The following CDH20 variants were observed in gnomAD, a reference collection of about 807,000 sequenced individuals.
CDH20 encodes cadherin-20.
A neutral mutation model predicts 74.2 loss-of-function variants in CDH20; 29 were observed. That is an observed-to-expected ratio of 0.39 (90% CI 0.29 to 0.53). The LOEUF (loss-of-function observed/expected upper bound fraction) is 0.53. CDH20 is among the 20% of genes least tolerant of loss of function. The probability of loss-of-function intolerance (pLI) is 0.69; values close to 1 mark genes in which losing one functional copy is unlikely to be tolerated. For missense variants in CDH20, 988 were observed against 1,048.3 expected, an observed-to-expected ratio of 0.94 and a Z score of 0.79; for synonymous variants, 469 against 405.4, an observed-to-expected ratio of 1.16 and a Z score of -1.88.
intron 6 of CDH20, among the ~76,000 whole-genome samples, chr18:61,521,414 G>C (rs773283619): frequency 5.3e-5 from 8 of 151,214 alleles, no homozygotes; most frequent in Non-Finnish European, 1.2e-4. Context: ...AACAAGTTCT[G>C]AAATTGAGGC....
intron 1 of CDH20, among the ~76,000 whole-genome samples, chr18:61,359,132 C>T (rs1444325912): frequency 6.6e-6 from 1 of 152,086 alleles, no homozygotes; most frequent in African/African-American, 2.4e-5. Flanking sequence ...ATATTTTTAG[C>T]TATCTGAGTT....
chr18:61,365,578 T>C (rs1431014590), intron 1 of CDH20, among the ~76,000 whole-genome samples: 1 of 152,148 alleles, frequency 6.6e-6, no homozygotes, highest in African/African-American at 2.4e-5. Flanking sequence ...TTCTGGCAAC[T>C]CAAAACAACC....
chr18:61,465,376 A>G (rs1286015398), intron 1 of CDH20, among the ~76,000 whole-genome samples: 1 of 152,216 alleles, frequency 6.6e-6, no homozygotes, highest in Non-Finnish European at 1.5e-5. Context: ...CATTTTTTAC[A>G]AAGAATGGCA....
chr18:61,515,539 A>T (rs1396132719), intron 6 of CDH20, among the ~76,000 whole-genome samples: 1 of 152,014 alleles, frequency 6.6e-6, no homozygotes, highest in Non-Finnish European at 1.5e-5. Context: ...CAAATGTCCA[A>T]CAATGATAGA....
chr18:61,356,845 T>C (rs1599033732), intron 1 of CDH20, among the ~76,000 whole-genome samples: 1 of 152,166 alleles, frequency 6.6e-6, no homozygotes, highest in East Asian at 1.9e-4. Context: ...AAACCACTAA[T>C]TAACGTTCAT....
intron 4 of CDH20, among the ~76,000 whole-genome samples, chr18:61,502,748 C>G (rs1911429635): frequency 6.6e-6 from 1 of 152,134 alleles, no homozygotes; most frequent in Admixed American, 6.5e-5. Context: ...GCTCTTCCTG[C>G]TGGAATAAAA....
chr18:61,539,073 T>C lies in CDH20; in HGVS notation c.1458T>C (p.Asp486=), dbSNP rs1335195392. The C allele has an allele frequency of 1.8e-5, 29 of 1,613,954 alleles. No homozygotes were observed. Among genetic ancestry groups the C allele is most frequent in the Non-Finnish European group, 2.5e-5 (29 of 1,179,958 alleles). The change falls in exon 9 of 12, where the codon GAT becomes GAC. Residue 486 remains aspartate, a synonymous_variant. Coordinates refer to ENST00000262717, the MANE Select transcript of CDH20 (RefSeq NM_031891.4). ...GSVPVTIKVL[D]VNDNAPEFPR... is the part of the protein sequence containing the mutation. ...TTCCTGTCACAATCAAAGTCTTAGA[T>C]GTGAATGACAATGCTCCAGAGTTCC... is the stretch of plus-strand genomic sequence containing the variant.
chr18:61,486,992 A>G (rs1201639946), intron 1 of CDH20, among the ~76,000 whole-genome samples: 1 of 152,346 alleles, frequency 6.6e-6, no homozygotes, highest in Admixed American at 6.5e-5. Flanking sequence ...GAATTTACGT[A>G]ACAAACTAAA....
chr18:61,390,905 T>A (rs528702408), intron 1 of CDH20, among the ~76,000 whole-genome samples: 1 of 151,922 alleles, frequency 6.6e-6, no homozygotes, highest in Non-Finnish European at 1.5e-5. Context: ...AGGCTTGGAG[T>A]GAGGAAGGCC....
intron 1 of CDH20, among the ~76,000 whole-genome samples, chr18:61,468,578 C>A (rs1173741737): frequency 2.0e-5 from 3 of 152,060 alleles, no homozygotes; most frequent in Non-Finnish European, 2.9e-5. Context: ...CCCTTTTTCC[C>A]CCCTACTTGC....
At chr18:61,438,854 C>T (rs924545498) in intron 1 of CDH20, among the ~76,000 whole-genome samples, 4 of 152,124 alleles carry the variant, frequency 2.6e-5, no homozygotes, top group Non-Finnish European at 5.9e-5. Flanking sequence ...GGAATCAACC[C>T]AGGTACCCAT....
chr18:61,457,040 T>C (rs1909595902), intron 1 of CDH20, among the ~76,000 whole-genome samples: 1 of 152,180 alleles, frequency 6.6e-6, no homozygotes, highest in Non-Finnish European at 1.5e-5. Flanking sequence ...ATTCAGTGCA[T>C]GAATGCATTT....
At chr18:61,515,902 C>A (rs1289493511) in intron 6 of CDH20, among the ~76,000 whole-genome samples, 8 of 146,370 alleles carry the variant, frequency 5.5e-5, no homozygotes, top group Non-Finnish European at 1.0e-4. Context: ...ACAATGTGCA[C>A]ATGTACCCTA....
intron 1 of CDH20, among the ~76,000 whole-genome samples, chr18:61,357,501 T>C (rs555353359): frequency 6.6e-6 from 1 of 152,336 alleles, no homozygotes; most frequent in Non-Finnish European, 1.5e-5. Flanking sequence ...ATTTTTGCTC[T>C]GCTCTACTTA....
rs142014345 is a variant in CDH20, at chr18:61,342,513, C to T, written c.-153+8686C>T. 2.6e-5 allele frequency among the ~76,000 whole-genome samples: 4 copies of T among 152,338 alleles called. No individual in the cohort carries two copies. The East Asian group carries it at 7.7e-4, about 29-fold the overall frequency. ...GCAGGGTTTCTCACCCTGGCTATCA[C>T]TACTGACATTTTGCCTGGCAAATTC... On this transcript the variant is annotated intron_variant, in intron 1 of 11. Transcript: ENST00000262717.
chr18:61,357,853 G>A (rs372558226), intron 1 of CDH20, among the ~76,000 whole-genome samples: 30 of 151,984 alleles, frequency 2.0e-4, no homozygotes, highest in Middle Eastern at 3.2e-3. Context: ...ACTTCATCTC[G>A]TGATCTCTTC....
At chr18:61,522,981 A>G (rs1310702408) in intron 6 of CDH20, among the ~76,000 whole-genome samples, 1 of 152,228 alleles carries the variant, frequency 6.6e-6, no homozygotes, top group Non-Finnish European at 1.5e-5. Flanking sequence ...AACTTAGGCA[A>G]TACCATTCAG....
chr18:61,432,749 C>T (rs961976037), intron 1 of CDH20, among the ~76,000 whole-genome samples: 38 of 152,186 alleles, frequency 2.5e-4, no homozygotes, highest in African/African-American at 8.4e-4. Context: ...TCTCGCCTTC[C>T]TCCTGTTCTT....
intron 6 of CDH20, among the ~76,000 whole-genome samples, chr18:61,509,992 A>C (rs1285746061): frequency 1.2e-4 from 19 of 152,188 alleles, no homozygotes; most frequent in Non-Finnish European, 5.9e-5. Context: ...GGCAGGGGTG[A>C]CAAGTATTGG....
Sources: gnomAD v4.1 joint callset for allele counts (sites outside exome capture counted in the v4.1 genomes callset) on GRCh38, gnomAD v4.1.1 for gene constraint, MANE v1.5 for transcripts, NCBI Gene and HGNC (gene_info 2026-07-23, HGNC 2026-07-21) for gene names.